Variants in MYOZ3 observed in about 807,000 individuals in gnomAD.
The protein encoded by MYOZ3 is myozenin 3, also known as myozenin-3.
A neutral mutation model predicts 26.5 loss-of-function variants in MYOZ3; 19 were observed. The observed-to-expected ratio is 0.72, with a 90% CI of 0.50 to 1.05. MYOZ3 has a LOEUF of 1.05. Ranked by LOEUF, MYOZ3 falls within the 50% of genes least tolerant of loss-of-function variation. The pLI, the probability that MYOZ3 is intolerant of heterozygous loss-of-function variation, is 0.00. For missense variants in MYOZ3, 322 were observed against 337.1 expected (o/e 0.96, Z 0.35); for synonymous variants, 135 against 138.8 (o/e 0.97, Z 0.19).
At chr5:150,665,004 G>A (rs1460210002) in intron 2 of MYOZ3, among the ~76,000 whole-genome samples, 1 of 148,702 alleles carries the variant, frequency 6.7e-6, no homozygotes, top group Non-Finnish European at 1.5e-5. Context: ...AATACTATAT[G>A]CTATGTTCTT....
At position 150,677,970 on chromosome 5, in the gene MYOZ3, G is replaced by A. The variant is rs1233866624; in HGVS notation, c.*1095G>A. On this transcript the variant is annotated 3_prime_UTR_variant, in exon 7 of 7. Coordinates refer to ENST00000517768, the MANE Select transcript of MYOZ3 (RefSeq NM_001122853.3). ...GTGGACCAGCATGTGCAAAAATATGGAACTGAGCACGGGTGCAGGGTGTTC... is the reference window on the plus strand; with the variant it reads ...GTGGACCAGCATGTGCAAAAATATGAAACTGAGCACGGGTGCAGGGTGTTC... 2 of 152,364 alleles carry A rather than the reference G, an allele frequency of 1.3e-5. No individual in the cohort carries two copies. Among genetic ancestry groups the A allele is most frequent in the African/African-American group, 4.8e-5 (2 of 41,412 alleles). 9.4% of individuals were successfully genotyped at this position (152,364 alleles called of 1,614,324 possible).
intron 6 of MYOZ3, among the ~76,000 whole-genome samples, chr5:150,675,435 C>CA (rs968040360): frequency 2.6e-5 from 4 of 151,906 alleles, no homozygotes; most frequent in Non-Finnish European, 5.9e-5. Context: ...TGCAATGACA[C>CA]AATCTCAGCT....
Position 150,676,729 on chromosome 5 carries a change from C to A in MYOZ3, c.610C>A (p.Pro204Thr), listed in dbSNP as rs958936723. 6.2e-7 allele frequency: 1 copy of A among 1,613,978 alleles called. No individual in the cohort carries two copies. The highest frequency in any genetic ancestry group is 8.5e-7 in the Non-Finnish European group (1 of 1,179,984). Reference sequence around the variant, plus strand: ...CAGGACCCCGGTGCCATTTGGAGGACCCCTCGTGGGGGGCACTTTTCCCAG... The same window carrying A: ...CAGGACCCCGGTGCCATTTGGAGGAACCCTCGTGGGGGGCACTTTTCCCAG... ...FNKTPVPFGG[P>T]LVGGTFPRPG... Residue 204 changes from proline to threonine, a missense_variant, in exon 7 of 7, where the codon CCC (proline) becomes ACC (threonine). Coordinates refer to ENST00000517768, the MANE Select transcript of MYOZ3 (RefSeq NM_001122853.3).
chr5:150,663,073 G>A (rs867068400), intron 2 of MYOZ3, 71 bp downstream of exon 2: 4 of 1,342,542 alleles, frequency 3.0e-6, no homozygotes, highest in Middle Eastern at 1.9e-4. Flanking sequence ...CACTCACTCT[G>A]GCCTGCTGGC....
At chr5:150,663,107 G>A in intron 2 of MYOZ3, 105 bp downstream of exon 2, 1 of 940,536 alleles carries the variant, frequency 1.1e-6, no homozygotes, top group Non-Finnish European at 1.6e-6. Flanking sequence ...AGACAGGTGT[G>A]AGCTCCAGGC....
intron 3 of MYOZ3, 169 bp downstream of exon 3, chr5:150,670,807 C>A: frequency 1.8e-6 from 1 of 568,376 alleles, no homozygotes; most frequent in Non-Finnish European, 2.8e-6. Context: ...GGCATCTCTC[C>A]CTGGATACAG....
At chr5:150,671,099 C>T (rs1329608544) in intron 3 of MYOZ3, among the ~76,000 whole-genome samples, 1 of 152,108 alleles carries the variant, frequency 6.6e-6, no homozygotes, top group Non-Finnish European at 1.5e-5. Flanking sequence ...TTCAGAAAGG[C>T]AGCAGGCAGT....
intron 2 of MYOZ3, among the ~76,000 whole-genome samples, chr5:150,664,108 A>G (rs1758774265): frequency 6.6e-6 from 1 of 151,982 alleles, no homozygotes. Context: ...CCCAGCATCT[A>G]CTCCTGAGGA....
chr5:150,672,112 C>T, intron 5 of MYOZ3: 1 of 1,060,920 alleles, frequency 9.4e-7, no homozygotes, highest in South Asian at 1.3e-5. Flanking sequence ...AGGCCAAGAC[C>T]AACCCGCGCT....
At position 150,671,588 on chromosome 5, in the gene MYOZ3, C is replaced by A. The variant is rs746584047; in HGVS notation, c.217-9C>A. The A allele has an allele frequency of 5.0e-6, 8 of 1,613,792 alleles. No individual in the cohort carries two copies. The Admixed American group carries it at 1.0e-4, about 20-fold the overall frequency. Reference sequence around the variant, plus strand: ...TTCTCTGCGGTTTATTCTACCCCCTCGTTCCCAGATGCTGGCCGGAAGCGC... The same window carrying A: ...TTCTCTGCGGTTTATTCTACCCCCTAGTTCCCAGATGCTGGCCGGAAGCGC... On this transcript the variant is annotated splice_polypyrimidine_tract_variant and intron_variant, in intron 3 of 6. Coordinates refer to ENST00000517768, the MANE Select transcript of MYOZ3 (RefSeq NM_001122853.3).
chr5:150,662,748 C>T (rs1333736291), intron 1 of MYOZ3, among the ~76,000 whole-genome samples, 193 bp from the exon 2 acceptor site: 1 of 152,242 alleles, frequency 6.6e-6, no homozygotes, highest in Non-Finnish European at 1.5e-5. Context: ...GAGCACCTCC[C>T]TCTCGTTCCC....
intron 2 of MYOZ3, among the ~76,000 whole-genome samples, chr5:150,667,908 A>G (rs1758834142): frequency 6.6e-6 from 1 of 152,258 alleles, no homozygotes; most frequent in African/African-American, 2.4e-5. Context: ...ATTTCCTTAC[A>G]TGCCACAAAG....
chr5:150,673,636 G>C (rs374076519), intron 6 of MYOZ3, among the ~76,000 whole-genome samples: 1 of 152,240 alleles, frequency 6.6e-6, no homozygotes, highest in South Asian at 2.1e-4. Flanking sequence ...CACCGCCCCC[G>C]GCGTATTATG....
At chr5:150,670,288 C>T in intron 2 of MYOZ3, 196 bp from the exon 3 acceptor site, 1 of 504,824 alleles carries the variant, frequency 2.0e-6, no homozygotes, top group Non-Finnish European at 3.3e-6. Context: ...GAGCAACAAA[C>T]ACATGCAAAT....
intron 2 of MYOZ3, among the ~76,000 whole-genome samples, chr5:150,663,601 A>G (rs768545101): frequency 6.6e-6 from 1 of 152,222 alleles, no homozygotes; most frequent in Non-Finnish European, 1.5e-5. Flanking sequence ...AAAAGTTTAA[A>G]TTCATTTTTA....
rs1758931752 is a variant in MYOZ3 at position 150,672,367 on chromosome 5, C to G, written c.452C>G (p.Pro151Arg). ...TATGCGGAGCCGCTGAAGGGCGTCC[C>G]GCCAGAGAAGTTCAACCACACCGCC... Reference protein sequence around the residue: ...PGYAEPLKGVPPEKFNHTAIS... With the variant: ...PGYAEPLKGVRPEKFNHTAIS... The change falls in exon 6 of 7, where the codon CCG becomes CGG. Residue 151 changes from proline to arginine, a missense_variant. Transcript: ENST00000517768. The G allele has an allele frequency of 2.5e-6, 4 of 1,611,342 alleles. No individual in the cohort carries two copies. Among genetic ancestry groups the G allele is most frequent in the African/African-American group, 1.3e-5 (1 of 75,058 alleles).
chr5:150,665,069 C>T (rs945487593), intron 2 of MYOZ3, among the ~76,000 whole-genome samples: 6 of 151,256 alleles, frequency 4.0e-5, no homozygotes, highest in African/African-American at 9.7e-5. Flanking sequence ...ATTTATCTCA[C>T]GCCTTCCTTC....
chr5:150,666,118 T>G (rs1269033898), intron 2 of MYOZ3, among the ~76,000 whole-genome samples: 1 of 152,106 alleles, frequency 6.6e-6, no homozygotes, highest in Admixed American at 6.6e-5. Context: ...TGCTTTATTA[T>G]GTATTTAGGT....
chr5:150,676,629 T>A, intron 6 of MYOZ3, 78 bp from the exon 7 acceptor site: 2 of 1,360,156 alleles, frequency 1.5e-6, no homozygotes, highest in Admixed American at 2.0e-5. Context: ...GAGGGGCCCA[T>A]ACATGGTGAT....
Sources: gnomAD v4.1 joint callset for allele counts (sites outside exome capture counted in the v4.1 genomes callset) on GRCh38, gnomAD v4.1.1 for gene constraint, MANE v1.5 for transcripts, NCBI Gene and HGNC (gene_info 2026-07-23, HGNC 2026-07-21) for gene names.